USP3: variants seen among roughly 807,000 people sequenced by gnomAD.
USP3 encodes the protein ubiquitin carboxyl-terminal hydrolase 3.
In USP3, 20 loss-of-function variants were observed where a neutral mutation model predicts 72.3. The observed-to-expected ratio is 0.28, with a 90% confidence interval of 0.19 to 0.40. USP3 has a LOEUF of 0.40. Among genes scored for constraint, USP3 ranks in the 10% least tolerant of loss-of-function variants. The probability of loss-of-function intolerance (pLI) is 1.00; values close to 1 mark genes in which losing one functional copy is unlikely to be tolerated. For synonymous variants in USP3, 222 were observed against 225.3 expected (o/e 0.99, Z 0.13); for missense variants, 479 against 633.9 (o/e 0.76, Z 2.62).
At chr15:63,569,740 T>C (rs1194993999) in intron 8 of USP3, among the ~76,000 whole-genome samples, 2 of 152,236 alleles carry the variant, frequency 1.3e-5, no homozygotes, top group Non-Finnish European at 2.9e-5. Flanking sequence ...GATCTATATA[T>C]TCGTATAAGA....
At chr15:63,543,210 C>T (rs2066271082) in intron 3 of USP3, among the ~76,000 whole-genome samples, 1 of 152,026 alleles carries the variant, frequency 6.6e-6, no homozygotes, top group Non-Finnish European at 1.5e-5. Context: ...AAAAGTAGTC[C>T]TTTTCTCCCT....
chr15:63,576,335 C>T (rs1200377448), intron 11 of USP3, among the ~76,000 whole-genome samples: 1 of 152,182 alleles, frequency 6.6e-6, no homozygotes, highest in Non-Finnish European at 1.5e-5. Flanking sequence ...TCCAGATGAT[C>T]TTTGGCTAGA....
chr15:63,542,932 A>C (rs991697893), intron 3 of USP3, among the ~76,000 whole-genome samples: 1 of 152,228 alleles, frequency 6.6e-6, no homozygotes, highest in Non-Finnish European at 1.5e-5. Flanking sequence ...TTGAAATGAT[A>C]CAATAGAATA....
At chr15:63,560,018 T>G (rs1163213808) in intron 7 of USP3, 48 bp downstream of exon 7, 1 of 1,511,774 alleles carries the variant, frequency 6.6e-7, no homozygotes, top group Admixed American at 1.9e-5. Flanking sequence ...ACAAAACAAA[T>G]TACTTTCACT....
intron 3 of USP3, among the ~76,000 whole-genome samples, chr15:63,548,341 G>A (rs546336881): frequency 1.3e-5 from 2 of 150,998 alleles, no homozygotes; most frequent in East Asian, 2.0e-4. Context: ...TTTTTTTTGG[G>A]GGGGGACAGA....
At position 63,594,338 on chromosome 15, in the gene USP3, G is replaced by A. The variant is rs1438233803; in HGVS notation, c.*3512G>A. 6.6e-6 allele frequency: 1 copy of A among 152,282 alleles called. No homozygotes were observed. The highest frequency in any genetic ancestry group is 1.9e-4 in the East Asian group (1 of 5,196). The allele number at this position is 152,282 out of a possible 1,614,324, so 9.4% of individuals were successfully genotyped here. A position where few individuals can be genotyped will look rare whatever the true frequency, so the allele number is the denominator to read the frequency against. On this transcript the variant is annotated 3_prime_UTR_variant, in exon 15 of 15. Coordinates refer to ENST00000380324, the MANE Select transcript of USP3 (RefSeq NM_006537.4). ...TCCCAGGTGACTAGGAGTAGCCATAGGAAGGTGAGGAAGGAGAAGTGGGCA... is the reference window on the plus strand; with the variant it reads ...TCCCAGGTGACTAGGAGTAGCCATAAGAAGGTGAGGAAGGAGAAGTGGGCA...
intron 1 of USP3, among the ~76,000 whole-genome samples, chr15:63,513,443 A>T (rs552325792): frequency 6.6e-6 from 1 of 152,146 alleles, no homozygotes; most frequent in Non-Finnish European, 1.5e-5. Context: ...GCAGTGGTGC[A>T]GTCATAGCTC....
rs2067242787 is a variant in USP3 at position 63,593,606 on chromosome 15, G to T, written c.*2780G>T. Reference sequence around the variant, plus strand: ...CTCTCTGAATTTGTTTTTATTGGTTGGTTTTACTTGAACAGAAACGTTTGA... The same window carrying T: ...CTCTCTGAATTTGTTTTTATTGGTTTGTTTTACTTGAACAGAAACGTTTGA... On this transcript the variant is annotated 3_prime_UTR_variant, in exon 15 of 15. Coordinates refer to ENST00000380324, the MANE Select transcript of USP3 (RefSeq NM_006537.4). The T allele has an allele frequency of 6.6e-6, 1 of 152,182 alleles. No individual in the cohort carries two copies. The highest frequency in any genetic ancestry group is 1.5e-5 in the Non-Finnish European group (1 of 68,036). The allele number at this position is 152,182 out of a possible 1,614,324, so 9.4% of individuals were successfully genotyped here.
rs60776150 is a variant in USP3 at position 63,580,660 on chromosome 15, A to ATATATATATATATATATATATAT, written c.1096+6257_1096+6258insTATATATATATATATATATATAT. Among the ~76,000 whole-genome samples the ATATATATATATATATATATATAT allele has an allele frequency of 1.2e-4, 14 of 113,016 alleles. 2 individuals carry two copies. The highest frequency in any genetic ancestry group is 4.2e-4 in the African/African-American group (11 of 26,266). The allele number at this position is 113,016 out of a possible 152,430, so 74.1% of individuals were successfully genotyped here. A position where few individuals can be genotyped will look rare whatever the true frequency, so the allele number is the denominator to read the frequency against. Reference sequence around the variant, plus strand: ...GTGGTGCATATATATATGAATATATAATATATATATGAATATATAATATAT... The same window carrying ATATATATATATATATATATATAT: ...GTGGTGCATATATATATGAATATATATATATATATATATATATATATATATATATATATGAATATATAATATAT... On this transcript the variant is annotated intron_variant, in intron 11 of 14. Transcript: ENST00000380324.
intron 1 of USP3, among the ~76,000 whole-genome samples, chr15:63,512,347 CTCTTCCTCT>C (rs375403713): frequency 0.32 from 31,640 of 98,044 alleles, 3,517 homozygotes; most frequent in Non-Finnish European, 0.36. Context: ...CCTCTTCCTC[CTCTTCCTCT>C]TCTTCTTCTT....
chr15:63,537,023 A>G lies in USP3; in HGVS notation c.153-2A>G. 1 of 1,606,130 alleles carries G rather than the reference A, an allele frequency of 6.2e-7. No homozygotes were observed. Among genetic ancestry groups the G allele is most frequent in the Non-Finnish European group, 8.5e-7 (1 of 1,177,698 alleles). ...AGTAAATTTTCATTTGGTTTTTGTAAGGTATGTGAATGGCCATGCAAAAAA... is the reference window on the plus strand; with the variant it reads ...AGTAAATTTTCATTTGGTTTTTGTAGGGTATGTGAATGGCCATGCAAAAAA... On this transcript the variant is annotated splice_acceptor_variant, in intron 2 of 14. Coordinates refer to ENST00000380324, the MANE Select transcript of USP3 (RefSeq NM_006537.4). LOFTEE classifies it high-confidence loss of function.
intron 8 of USP3, among the ~76,000 whole-genome samples, chr15:63,565,216 A>G (rs972102929): frequency 1.3e-5 from 2 of 152,180 alleles, no homozygotes; most frequent in African/African-American, 2.4e-5. Flanking sequence ...ATATATATAC[A>G]TACACACACC....
intron 14 of USP3, among the ~76,000 whole-genome samples, chr15:63,590,322 G>T (rs1343404083): frequency 6.6e-6 from 1 of 152,154 alleles, no homozygotes; most frequent in Non-Finnish European, 1.5e-5. Context: ...GTCAGGGAAG[G>T]GTGCCCTTCT....
intron 9 of USP3, among the ~76,000 whole-genome samples, chr15:63,572,116 A>G (rs759816815): frequency 2.0e-5 from 3 of 152,162 alleles, no homozygotes; most frequent in East Asian, 1.9e-4. Context: ...TAAGTATTCA[A>G]TATTTAAACA....
In USP3 at chr15:63,528,869, T is replaced by C. The variant is rs1442196582; in HGVS notation, c.92-3778T>C. 2.5e-6 allele frequency: 1 copy of C among 403,262 alleles called. No homozygotes were observed. The highest frequency in any genetic ancestry group is 4.0e-6 in the Non-Finnish European group (1 of 249,808). The allele number at this position is 403,262 out of a possible 1,614,324, so 25.0% of individuals were successfully genotyped here. A position where few individuals can be genotyped will look rare whatever the true frequency, so the allele number is the denominator to read the frequency against. On this transcript the variant is annotated intron_variant, in intron 1 of 14. Transcript: ENST00000380324. This position sits in a 1 kb window ranked among gnomAD's most constrained non-coding sequence, Gnocchi z 4.3. ...GAGTTTAATTTAAAGCCAGTGTTTTTCAGTCTATTTTATATTTGTCCTGGG... is the reference window on the plus strand; with the variant it reads ...GAGTTTAATTTAAAGCCAGTGTTTTCCAGTCTATTTTATATTTGTCCTGGG...
intron 8 of USP3, among the ~76,000 whole-genome samples, chr15:63,564,421 C>T (rs1345194624): frequency 1.4e-4 from 22 of 152,062 alleles, no homozygotes; most frequent in Non-Finnish European, 5.9e-5. Context: ...AATGATTTGC[C>T]CACATACCTT....
rs982077 is a variant in USP3 at position 63,531,102 on chromosome 15, A to T, written c.92-1545A>T. Among the ~76,000 whole-genome samples the T allele has an allele frequency of 1.1e-3, 172 of 152,160 alleles. 1 individual carries two copies. Among genetic ancestry groups the T allele is most frequent in the African/African-American group, 4.1e-3 (169 of 41,506 alleles). ...GGGGATTTCACCACTCAAAGCTTTC[A>T]TGTTCAAAACTAAAGTTCTGTACTG... On this transcript the variant is annotated intron_variant, in intron 1 of 14. Transcript: ENST00000380324.
intron 7 of USP3, among the ~76,000 whole-genome samples, chr15:63,561,678 G>C (rs565141013): frequency 6.6e-6 from 1 of 152,366 alleles, no homozygotes; most frequent in South Asian, 2.1e-4. Context: ...AAGGGAGCCT[G>C]AGAAGGCGAG....
At chr15:63,563,067 A>G in intron 8 of USP3, 59 bp downstream of exon 8, 1 of 1,156,498 alleles carries the variant, frequency 8.6e-7, no homozygotes, top group East Asian at 2.7e-5. Context: ...CTGTTCCTGA[A>G]ATAATTCCTA....
Sources: allele counts gnomAD v4.1 joint callset (sites outside exome capture counted in the v4.1 genomes callset), GRCh38; gene constraint gnomAD v4.1.1; non-coding constraint Gnocchi (gnomAD v3.1); transcripts MANE v1.5; gene names NCBI Gene and HGNC (gene_info 2026-07-23, HGNC 2026-07-21).